FMN2: variants seen among roughly 807,000 people sequenced by gnomAD.
FMN2 encodes the protein formin 2.
FMN2 carries 51 observed loss-of-function variants against 142.3 expected under a neutral mutation model. The ratio of observed to expected loss-of-function variants is 0.36; its 90% confidence interval spans 0.29 to 0.45. The LOEUF (loss-of-function observed/expected upper bound fraction) is 0.45, where lower values mean the gene tolerates loss of function less well. Ranked by LOEUF, FMN2 falls within the 20% of genes least tolerant of loss-of-function variation. FMN2 has a pLI of 1.00. For synonymous variants in FMN2, 882 were observed against 869.8 expected, an observed-to-expected ratio of 1.01 and a Z score of -0.25; for missense variants, 1,936 against 2,122.8, an observed-to-expected ratio of 0.91 and a Z score of 1.73.
chr1:240,150,597 C>T (rs925292325), intron 2 of FMN2, among the ~76,000 whole-genome samples: 11 of 152,282 alleles, frequency 7.2e-5, no homozygotes, highest in Non-Finnish European at 1.6e-4. Context: ...GGTTTTGTTT[C>T]TCAACTCTTA....
chr1:240,465,717 G>A (rs111437364), intron 16 of FMN2, among the ~76,000 whole-genome samples: 3,650 of 152,264 alleles, frequency 0.024, 69 homozygotes, highest in Middle Eastern at 0.061. Context: ...TTAATGTTTA[G>A]TGGCAGAAAA....
chr1:240,104,116 G>A (rs1418141798), intron 1 of FMN2, among the ~76,000 whole-genome samples: 2 of 150,834 alleles, frequency 1.3e-5, no homozygotes, highest in African/African-American at 4.9e-5. Context: ...CTGACCTCGT[G>A]ATCCGCCCGC....
chr1:240,387,782 G>A (rs912240297), intron 14 of FMN2, among the ~76,000 whole-genome samples: 3 of 152,268 alleles, frequency 2.0e-5, no homozygotes, highest in African/African-American at 7.2e-5. Flanking sequence ...TGCAAGCAAT[G>A]CATCTCCATC....
intron 1 of FMN2, among the ~76,000 whole-genome samples, chr1:240,100,252 C>G (rs11589947): frequency 0.49 from 74,589 of 151,972 alleles, 19,831 homozygotes; most frequent in Non-Finnish European, 0.6. Context: ...CAGCAACTGA[C>G]CTTCCAAATA....
chr1:240,219,605 T>G (rs1558374498), intron 6 of FMN2, among the ~76,000 whole-genome samples: 1 of 152,194 alleles, frequency 6.6e-6, no homozygotes, highest in Non-Finnish European at 1.5e-5. Context: ...AAATAAACTG[T>G]TTCTTTTTTA....
chr1:240,121,335 C>G (rs913835922), intron 1 of FMN2, among the ~76,000 whole-genome samples: 1 of 151,994 alleles, frequency 6.6e-6, no homozygotes, highest in Non-Finnish European at 1.5e-5. Context: ...TAGGTGGACC[C>G]AGGCCCTCTA....
At chr1:240,357,797 C>T (rs996512261) in intron 14 of FMN2, among the ~76,000 whole-genome samples, 2 of 151,924 alleles carry the variant, frequency 1.3e-5, no homozygotes, top group South Asian at 2.1e-4. Context: ...TTAGTAGAGA[C>T]GGGTTTTCAC....
chr1:240,194,854 G>A (rs1163788474), intron 4 of FMN2, among the ~76,000 whole-genome samples: 1 of 152,228 alleles, frequency 6.6e-6, no homozygotes, highest in African/African-American at 2.4e-5. Flanking sequence ...ATCAAGAAGA[G>A]AATCTTTGTT....
intron 8 of FMN2, among the ~76,000 whole-genome samples, chr1:240,314,082 CTA>C (rs1670687354): frequency 6.6e-6 from 1 of 152,172 alleles, no homozygotes; most frequent in African/African-American, 2.4e-5. Flanking sequence ...ATGCTGGTAT[CTA>C]TTACTGTCCT....
chr1:240,264,741 A>AT (rs1299764587), intron 7 of FMN2, among the ~76,000 whole-genome samples: 1 of 152,124 alleles, frequency 6.6e-6, no homozygotes, highest in Admixed American at 6.6e-5. Flanking sequence ...ATAGTATTCC[A>AT]TGGTGTATAT....
Position 240,252,953 on chromosome 1 carries a change from C to CTTTTTTTTTTTT in FMN2, c.4066-4986_4066-4975dup, listed in dbSNP as rs59902639. On this transcript the variant is annotated intron_variant, in intron 6 of 17. Coordinates refer to ENST00000319653, the MANE Select transcript of FMN2 (RefSeq NM_020066.5). The stretch of plus-strand genomic sequence containing the variant: ...CCCATGTGTGATGTAGTCTTGTTCA[C>CTTTTTTTTTTTT]TTTTTTTTTTTTTTTTTGGAGACAG... Among the ~76,000 whole-genome samples, 98 of 65,328 alleles carry CTTTTTTTTTTTT rather than the reference C, an allele frequency of 1.5e-3. 17 individuals are homozygous for CTTTTTTTTTTTT. Among genetic ancestry groups the CTTTTTTTTTTTT allele is most frequent in the African/African-American group, 3.0e-3 (44 of 14,744 alleles). The allele number at this position is 65,328 out of a possible 152,430, so 42.9% of individuals were successfully genotyped here. A position where few individuals can be genotyped will look rare whatever the true frequency, so the allele number is the denominator to read the frequency against.
intron 4 of FMN2, among the ~76,000 whole-genome samples, chr1:240,194,391 A>AT (rs1272021898): frequency 1.3e-5 from 2 of 152,232 alleles, no homozygotes; most frequent in African/African-American, 2.4e-5. Flanking sequence ...GACAGATTTT[A>AT]TATCAGTGGC....
intron 7 of FMN2, among the ~76,000 whole-genome samples, chr1:240,282,418 G>T (rs530515184): frequency 1.3e-3 from 196 of 152,274 alleles, no homozygotes; most frequent in African/African-American, 4.5e-3. Flanking sequence ...CTTTTAATCA[G>T]AAGAGAGTAA....
At chr1:240,355,762 CT>C (rs1672244350) in intron 13 of FMN2, 53 bp from the exon 14 acceptor site, 3 of 1,311,812 alleles carry the variant, frequency 2.3e-6, no homozygotes, top group Non-Finnish European at 3.3e-6. Flanking sequence ...TCAAAATTGC[CT>C]TAATGCTCCA....
At chr1:240,140,498 T>C (rs1663134466) in intron 2 of FMN2, among the ~76,000 whole-genome samples, 1 of 152,336 alleles carries the variant, frequency 6.6e-6, no homozygotes, top group South Asian at 2.1e-4. Flanking sequence ...TCCACGCAGG[T>C]TGGAACACAA....
intron 6 of FMN2, among the ~76,000 whole-genome samples, chr1:240,246,128 T>C (rs7553050): frequency 0.35 from 53,314 of 151,640 alleles, 9,377 homozygotes; most frequent in Middle Eastern, 0.47. Flanking sequence ...TGCAGTGAGC[T>C]GAGATCGCAC....
At chr1:240,289,534 C>T (rs1344309828) in intron 7 of FMN2, among the ~76,000 whole-genome samples, 1 of 151,846 alleles carries the variant, frequency 6.6e-6, no homozygotes, top group Non-Finnish European at 1.5e-5. Flanking sequence ...GAAATATTAT[C>T]TGGGCATGGT....
At chr1:240,245,348 C>T (rs555900746) in intron 6 of FMN2, 45 of 379,726 alleles carry the variant, frequency 1.2e-4, no homozygotes, top group African/African-American at 7.6e-4. Context: ...CCAGTCTACC[C>T]GTACTCTCTG....
intron 13 of FMN2, among the ~76,000 whole-genome samples, chr1:240,353,359 G>A (rs1672160795): frequency 6.6e-6 from 1 of 152,160 alleles, no homozygotes; most frequent in South Asian, 2.1e-4. Context: ...AAAATGTTAG[G>A]TAATTAGCCC....
Sources: gnomAD v4.1 joint callset for allele counts (sites outside exome capture counted in the v4.1 genomes callset) on GRCh38, gnomAD v4.1.1 for gene constraint, MANE v1.5 for transcripts, NCBI Gene and HGNC (gene_info 2026-07-23, HGNC 2026-07-21) for gene names.